The following DLGAP2 variants were observed in gnomAD, a reference collection of about 807,000 sequenced individuals.
DLGAP2 encodes disks large-associated protein 2.
DLGAP2 carries 26 observed loss-of-function variants against 100.3 expected under a neutral mutation model. The ratio of observed to expected loss-of-function variants is 0.26; its 90% confidence interval spans 0.19 to 0.36. DLGAP2 has a LOEUF of 0.36. Ranked by LOEUF, DLGAP2 falls within the 10% of genes least tolerant of loss-of-function variation. The pLI is 1.00. For missense variants in DLGAP2, 1,858 were observed against 1,453.2 expected, an observed-to-expected ratio of 1.28 and a Z score of -4.53; for synonymous variants, 886 against 630.1, an observed-to-expected ratio of 1.41 and a Z score of -6.08.
intron 8 of DLGAP2, among the ~76,000 whole-genome samples, chr8:1,665,708 G>T (rs547835351): frequency 1.3e-5 from 2 of 152,216 alleles, no homozygotes; most frequent in Admixed American, 1.3e-4. Context: ...GAGAGCCCCC[G>T]TCCGCAGTCT....
At chr8:1,201,540 A>G (rs1453748949) in intron 2 of DLGAP2, among the ~76,000 whole-genome samples, 2 of 152,224 alleles carry the variant, frequency 1.3e-5, no homozygotes, top group Non-Finnish European at 2.9e-5. Context: ...TGGACATCGC[A>G]TCTCCGGACG....
At chr8:1,122,730 C>G (rs1796079085) in intron 2 of DLGAP2, among the ~76,000 whole-genome samples, 1 of 151,890 alleles carries the variant, frequency 6.6e-6, no homozygotes, top group African/African-American at 2.4e-5. Flanking sequence ...CTTTCCCTCT[C>G]ATTTCCTCCC....
intron 1 of DLGAP2, among the ~76,000 whole-genome samples, chr8:841,525 C>T (rs1796983617): frequency 6.6e-6 from 1 of 152,158 alleles, no homozygotes; most frequent in Non-Finnish European, 1.5e-5. Context: ...TACGTTGCTA[C>T]ATGAAGGTCA....
At chr8:1,572,547 G>T (rs1359742844) in intron 6 of DLGAP2, among the ~76,000 whole-genome samples, 1 of 118,724 alleles carries the variant, frequency 8.4e-6, no homozygotes, top group Non-Finnish European at 1.8e-5. Flanking sequence ...GGGGGCGTCT[G>T]ATGAGATGGA....
chr8:1,376,033 TTTGGGTTAACGACAC>T (rs2129735199), intron 3 of DLGAP2, among the ~76,000 whole-genome samples: 2 of 51,814 alleles, frequency 3.9e-5, no homozygotes, highest in African/African-American at 1.8e-4. Flanking sequence ...ACCTCCTACA[TTTGGGTTAACGACAC>T]CTCTCCACGG....
chr8:1,368,303 G>A, intron 3 of DLGAP2, among the ~76,000 whole-genome samples: 1 of 151,860 alleles, frequency 6.6e-6, no homozygotes, highest in Non-Finnish European at 1.5e-5. Flanking sequence ...ATGTGTATGT[G>A]CATGTGCATA....
intron 3 of DLGAP2, among the ~76,000 whole-genome samples, chr8:1,422,839 C>T (rs1417088900): frequency 1.3e-5 from 2 of 152,140 alleles, no homozygotes; most frequent in Admixed American, 6.5e-5. Context: ...GTGAGAGCTG[C>T]TCAGGGCAGA....
chr8:1,495,007 T>C (rs1272185525), intron 3 of DLGAP2, among the ~76,000 whole-genome samples: 1 of 152,176 alleles, frequency 6.6e-6, no homozygotes, highest in Non-Finnish European at 1.5e-5. Context: ...AAATGTACCT[T>C]TAAATCCTCA....
At chr8:1,226,884 G>C (rs1360192081) in intron 2 of DLGAP2, among the ~76,000 whole-genome samples, 1 of 151,958 alleles carries the variant, frequency 6.6e-6, no homozygotes, top group Non-Finnish European at 1.5e-5. Flanking sequence ...TTAGTGCAGA[G>C]AAAAGGGAAC....
intron 1 of DLGAP2, among the ~76,000 whole-genome samples, chr8:806,765 A>C (rs557981689): frequency 6.6e-5 from 10 of 152,366 alleles, no homozygotes; most frequent in Middle Eastern, 3.4e-3. Flanking sequence ...AGACTCTCCT[A>C]CTCAATTACA....
chr8:1,541,277 C>T (rs1030389287), intron 4 of DLGAP2, among the ~76,000 whole-genome samples: 1 of 152,132 alleles, frequency 6.6e-6, no homozygotes, highest in Non-Finnish European at 1.5e-5. Flanking sequence ...TTCATTGAGA[C>T]CTCTGTTGGT....
At chr8:1,413,810 G>A (rs894929786) in intron 3 of DLGAP2, among the ~76,000 whole-genome samples, 8 of 152,362 alleles carry the variant, frequency 5.3e-5, no homozygotes. Flanking sequence ...GTGCACACAC[G>A]CCTGCCAGGT....
chr8:1,420,526 C>A (rs907177137), intron 3 of DLGAP2, among the ~76,000 whole-genome samples: 12 of 152,180 alleles, frequency 7.9e-5, no homozygotes, highest in African/African-American at 2.9e-4. Context: ...ATGTCACTAT[C>A]CTACTAAAGC....
chr8:938,388 A>G (rs866195680), intron 2 of DLGAP2, among the ~76,000 whole-genome samples: 16 of 152,242 alleles, frequency 1.1e-4, no homozygotes, highest in Admixed American at 3.9e-4. Context: ...TGTAGAGACA[A>G]GGTCTCACTA....
intron 2 of DLGAP2, among the ~76,000 whole-genome samples, chr8:1,081,056 GTGA>G (rs752309102): frequency 1.3e-5 from 2 of 152,070 alleles, no homozygotes; most frequent in African/African-American, 4.8e-5. Context: ...TTTTATTGAG[GTGA>G]TGATTATAAA....
At chr8:1,199,870 C>G (rs1348656259) in intron 2 of DLGAP2, among the ~76,000 whole-genome samples, 1 of 152,076 alleles carries the variant, frequency 6.6e-6, no homozygotes, top group East Asian at 1.9e-4. Context: ...GGCTGTGTCA[C>G]TGGGTGGAGA....
chr8:889,943 C>T (rs1355548992), intron 1 of DLGAP2, among the ~76,000 whole-genome samples: 1 of 152,148 alleles, frequency 6.6e-6, no homozygotes, highest in African/African-American at 2.4e-5. Flanking sequence ...GTGGGAAAAG[C>T]AAAGTTTCCC....
At chr8:1,020,435 G>A (rs887566011) in intron 2 of DLGAP2, among the ~76,000 whole-genome samples, 1 of 152,182 alleles carries the variant, frequency 6.6e-6, no homozygotes, top group Non-Finnish European at 1.5e-5. Context: ...AAGGGCTGAG[G>A]CATTATAGCT....
chr8:904,168 TGTG>T (rs1394541246), intron 1 of DLGAP2, among the ~76,000 whole-genome samples: 1 of 152,250 alleles, frequency 6.6e-6, no homozygotes, highest in Non-Finnish European at 1.5e-5. Flanking sequence ...GCATGTGGTG[TGTG>T]GACAGTGTGA....
Sources: gnomAD v4.1 joint callset for allele counts (sites outside exome capture counted in the v4.1 genomes callset) on GRCh38, gnomAD v4.1.1 for gene constraint, MANE v1.5 for transcripts, NCBI Gene and HGNC (gene_info 2026-07-23, HGNC 2026-07-21) for gene names.